ZBTB20: variants seen among roughly 807,000 people sequenced by gnomAD.
ZBTB20 encodes zinc finger and BTB domain containing 20.
ZBTB20 carries 9 observed loss-of-function variants against 56.9 expected under a neutral mutation model. The observed-to-expected ratio is 0.16, with a 90% CI of 0.10 to 0.28. The LOEUF (loss-of-function observed/expected upper bound fraction) is 0.28. ZBTB20 is among the 10% of genes least tolerant of loss of function. The pLI is 1.00. For synonymous variants in ZBTB20, 417 were observed against 420.7 expected (o/e 0.99, Z 0.11); for missense variants, 655 against 1,003.0 (o/e 0.65, Z 4.69).
chr3:114,356,524 A>G (rs1439414818), intron 10 of ZBTB20, among the ~76,000 whole-genome samples: 4 of 152,106 alleles, frequency 2.6e-5, no homozygotes, highest in Non-Finnish European at 5.9e-5. Context: ...TCAAATGAAA[A>G]CCAATATAAA....
intron 7 of ZBTB20, among the ~76,000 whole-genome samples, chr3:114,414,649 C>A (rs984185121): frequency 6.6e-6 from 1 of 150,792 alleles, no homozygotes; most frequent in African/African-American, 2.4e-5. Flanking sequence ...ATCTTAATTT[C>A]TATCCTTGTA....
At chr3:114,569,435 A>T (rs1185010952) in intron 6 of ZBTB20, among the ~76,000 whole-genome samples, 6 of 152,220 alleles carry the variant, frequency 3.9e-5, no homozygotes, top group Admixed American at 1.3e-4. Context: ...GCAGACATTC[A>T]GTTTCTTAAC....
chr3:114,548,117 AG>A (rs777884417), intron 6 of ZBTB20, among the ~76,000 whole-genome samples: 8 of 152,234 alleles, frequency 5.3e-5, no homozygotes, highest in Non-Finnish European at 1.0e-4. Flanking sequence ...TTTCTCTGTA[AG>A]AGACACATGT....
At chr3:114,721,957 G>A (rs1030908816) in intron 5 of ZBTB20, among the ~76,000 whole-genome samples, 1 of 152,198 alleles carries the variant, frequency 6.6e-6, no homozygotes, top group Non-Finnish European at 1.5e-5. Flanking sequence ...AAAAGCCACA[G>A]AAGCAACTGA....
intron 5 of ZBTB20, among the ~76,000 whole-genome samples, chr3:114,744,277 G>A (rs772821753): frequency 1.6e-4 from 24 of 152,278 alleles, no homozygotes; most frequent in Non-Finnish European, 3.1e-4. Context: ...TATCTATGAA[G>A]TGCAGACAGT....
chr3:114,364,091 C>T (rs1028948372), intron 10 of ZBTB20, among the ~76,000 whole-genome samples: 2 of 152,098 alleles, frequency 1.3e-5, no homozygotes, highest in African/African-American at 4.8e-5. Context: ...GCATACATCC[C>T]CAGCTTAATT....
intron 6 of ZBTB20, among the ~76,000 whole-genome samples, chr3:114,517,639 C>T (rs1157462349): frequency 2.0e-5 from 3 of 151,552 alleles, no homozygotes; most frequent in African/African-American, 4.9e-5. Flanking sequence ...TGCTGTGACA[C>T]GATCTCGGCT....
At chr3:114,633,736 T>C in intron 6 of ZBTB20, among the ~76,000 whole-genome samples, 1 of 152,172 alleles carries the variant, frequency 6.6e-6, no homozygotes, top group East Asian at 1.9e-4. Context: ...TCCAGAATCT[T>C]GTAAATGCTT....
At chr3:114,725,479 ATAAAG>A (rs1448181178) in intron 5 of ZBTB20, among the ~76,000 whole-genome samples, 1 of 152,244 alleles carries the variant, frequency 6.6e-6, no homozygotes, top group Non-Finnish European at 1.5e-5. Flanking sequence ...GCATTGTAGA[ATAAAG>A]TATTTTCAAA....
In ZBTB20 at chr3:114,415,148, T is replaced by C. The variant is rs143948696; in HGVS notation, c.-254-26043A>G. Reference sequence around the variant, plus strand: ...AATAATCCTCTAAGCAGAATTTCCTTACATTCCCTCAACACCAATGTGACA... The same window carrying C: ...AATAATCCTCTAAGCAGAATTTCCTCACATTCCCTCAACACCAATGTGACA... On this transcript the variant is annotated intron_variant, in intron 7 of 11. Transcript: ENST00000675478. Among the ~76,000 whole-genome samples, 375 of 152,246 alleles carry C rather than the reference T, an allele frequency of 2.5e-3. 7 individuals are homozygous for C. Among genetic ancestry groups the C allele is most frequent in the Admixed American group, 0.023 (344 of 15,258 alleles).
At chr3:114,525,541 A>G (rs1048275707) in intron 6 of ZBTB20, among the ~76,000 whole-genome samples, 3 of 152,116 alleles carry the variant, frequency 2.0e-5, no homozygotes, top group Middle Eastern at 3.2e-3. Flanking sequence ...TGGTTTTTCT[A>G]TGATTACCAT....
intron 2 of ZBTB20, among the ~76,000 whole-genome samples, chr3:115,014,032 G>A (rs2079838971): frequency 6.6e-6 from 1 of 151,620 alleles, no homozygotes; most frequent in Non-Finnish European, 1.5e-5. Flanking sequence ...TCCATCAACA[G>A]ATGGATAAAG....
chr3:114,724,518 C>T (rs541245010), intron 5 of ZBTB20, among the ~76,000 whole-genome samples: 1 of 152,308 alleles, frequency 6.6e-6, no homozygotes, highest in Non-Finnish European at 1.5e-5. Flanking sequence ...TAAGAATACA[C>T]GTTCTAGGGT....
chr3:114,522,266 T>A (rs193250619), intron 6 of ZBTB20, among the ~76,000 whole-genome samples: 461 of 152,236 alleles, frequency 3.0e-3, no homozygotes, highest in Admixed American at 8.5e-3. Flanking sequence ...GGAAAACATT[T>A]AAGGCGGTCA....
At chr3:114,513,944 GACATAATA>G (rs893361157) in intron 6 of ZBTB20, among the ~76,000 whole-genome samples, 1 of 151,402 alleles carries the variant, frequency 6.6e-6, no homozygotes, top group Admixed American at 6.6e-5. Flanking sequence ...ATTTAGAGAA[GACATAATA>G]ACATACTGCA....
chr3:114,468,046 T>C (rs2092620326), intron 7 of ZBTB20, among the ~76,000 whole-genome samples: 1 of 152,252 alleles, frequency 6.6e-6, no homozygotes, highest in Non-Finnish European at 1.5e-5. Context: ...TTTATGTGTA[T>C]TTTTTCTGTT....
chr3:115,031,758 C>T (rs372625403), intron 2 of ZBTB20, among the ~76,000 whole-genome samples: 27 of 151,514 alleles, frequency 1.8e-4, no homozygotes, highest in African/African-American at 6.5e-4. Flanking sequence ...ATTGACATTG[C>T]ACAGGAAATC....
intron 1 of ZBTB20, among the ~76,000 whole-genome samples, chr3:115,127,780 C>T (rs1182714147): frequency 6.6e-6 from 1 of 152,064 alleles, no homozygotes; most frequent in Non-Finnish European, 1.5e-5. Context: ...TATTACAATG[C>T]TAAGAAATAA....
Position 114,844,990 on chromosome 3 carries a change from C to A in ZBTB20, c.-416-43816G>T, listed in dbSNP as rs549693953. Among the ~76,000 whole-genome samples, 7 of 150,506 alleles carry A rather than the reference C, an allele frequency of 4.7e-5. No homozygotes were observed. In the South Asian group the frequency reaches 1.5e-3, roughly 31 times the overall value. On this transcript the variant is annotated intron_variant, in intron 4 of 11. Transcript: ENST00000675478. ...AGTTCTTTATCAGATATATTCTTTG[C>A]AAATATTTTCTTACAGTCTGTGGCT... is the stretch of plus-strand genomic sequence containing the variant.
Sources: gnomAD v4.1 joint callset for allele counts (sites outside exome capture counted in the v4.1 genomes callset) on GRCh38, gnomAD v4.1.1 for gene constraint, MANE v1.5 for transcripts, NCBI Gene and HGNC (gene_info 2026-07-23, HGNC 2026-07-21) for gene names.